FARP1: variants seen among roughly 807,000 people sequenced by gnomAD.
The protein encoded by FARP1 is FERM, ARHGEF and pleckstrin domain-containing protein 1.
A neutral mutation model predicts 128.8 loss-of-function variants in FARP1; 52 were observed. The ratio of observed to expected loss-of-function variants is 0.40; its 90% confidence interval spans 0.32 to 0.51. The LOEUF is 0.51. Ranked by LOEUF, FARP1 falls within the 20% of genes least tolerant of loss-of-function variation. FARP1 has a pLI of 0.45. For missense variants in FARP1, 1,333 were observed against 1,367.9 expected (o/e 0.97, Z 0.40); for synonymous variants, 580 against 551.8 (o/e 1.05, Z -0.72).
At chr13:98,151,068 G>A (rs1387870591) in intron 1 of FARP1, among the ~76,000 whole-genome samples, 1 of 121,236 alleles carries the variant, frequency 8.2e-6, no homozygotes, top group Non-Finnish European at 2.0e-5. Flanking sequence ...CTTAAACGGT[G>A]TGCTGTTACG....
chr13:98,205,298 CT>C, intron 1 of FARP1, among the ~76,000 whole-genome samples: 1 of 151,266 alleles, frequency 6.6e-6, no homozygotes, highest in African/African-American at 2.4e-5. Context: ...ATGCCTTAAG[CT>C]TTTTTTTTCC....
chr13:98,391,750 G>C (rs1890314095), intron 11 of FARP1, among the ~76,000 whole-genome samples: 1 of 152,106 alleles, frequency 6.6e-6, no homozygotes. Flanking sequence ...GTCCCCAGTA[G>C]GTTAAATAAC....
intron 16 of FARP1, among the ~76,000 whole-genome samples, chr13:98,413,476 A>G (rs992663508): frequency 6.6e-6 from 1 of 152,170 alleles, no homozygotes; most frequent in Non-Finnish European, 1.5e-5. Context: ...CCTGGGCAAC[A>G]TAGCAAGACC....
chr13:98,241,238 C>T (rs1252601409), intron 2 of FARP1, among the ~76,000 whole-genome samples: 6 of 151,886 alleles, frequency 4.0e-5, no homozygotes, highest in Non-Finnish European at 8.8e-5. Flanking sequence ...GGGCAGAGTT[C>T]TAGGGTCCTT....
intron 5 of FARP1, among the ~76,000 whole-genome samples, chr13:98,373,533 G>GACACACACACACACACACACACAC (rs58658962): frequency 2.3e-4 from 30 of 130,982 alleles, no homozygotes; most frequent in Non-Finnish European, 2.7e-4. Context: ...CAGACAGACA[G>GACACACACACACACACACACACAC]ACACACACAC....
At chr13:98,151,716 C>T (rs1173719371) in intron 1 of FARP1, among the ~76,000 whole-genome samples, 2 of 132,768 alleles carry the variant, frequency 1.5e-5, no homozygotes, top group Non-Finnish European at 3.1e-5. Context: ...GGCTGGAGTG[C>T]AGTGGCATGA....
At chr13:98,437,741 T>G (rs760934516) in intron 19 of FARP1, 33 of 1,183,112 alleles carry the variant, frequency 2.8e-5, no homozygotes, top group Non-Finnish European at 3.7e-5. Flanking sequence ...CGCTTTGTCT[T>G]TTTGCTTTCT....
intron 2 of FARP1, among the ~76,000 whole-genome samples, chr13:98,309,359 C>T (rs1449600050): frequency 2.0e-5 from 3 of 149,706 alleles, no homozygotes; most frequent in African/African-American, 5.0e-5. Context: ...TTAGTAGAGA[C>T]GGGGTTTCAC....
At chr13:98,223,447 C>G (rs1179222285) in intron 2 of FARP1, among the ~76,000 whole-genome samples, 1 of 152,110 alleles carries the variant, frequency 6.6e-6, no homozygotes, top group Non-Finnish European at 1.5e-5. Context: ...TGCCTCAGTC[C>G]CCCGACAGCT....
chr13:98,424,081 GAC>G (rs1354918222), intron 16 of FARP1, among the ~76,000 whole-genome samples: 1 of 152,152 alleles, frequency 6.6e-6, no homozygotes, highest in African/African-American at 2.4e-5. Context: ...AAGGGCTATG[GAC>G]AGCTATTGGT....
At chr13:98,318,950 G>GT (rs56166470) in intron 2 of FARP1, among the ~76,000 whole-genome samples, 14,851 of 120,168 alleles carry the variant, frequency 0.12, 816 homozygotes, top group South Asian at 0.21. Flanking sequence ...GTTTTTTCTT[G>GT]TTTTTTTTTT....
intron 2 of FARP1, among the ~76,000 whole-genome samples, chr13:98,281,603 C>G (rs2139626007): frequency 6.6e-6 from 1 of 152,250 alleles, no homozygotes; most frequent in African/African-American, 2.4e-5. Flanking sequence ...AAAAGTGGAG[C>G]ATCAAAATGC....
chr13:98,368,061 T>TG, intron 4 of FARP1, 56 bp from the exon 5 acceptor site: 1 of 1,359,734 alleles, frequency 7.4e-7, no homozygotes, highest in Non-Finnish European at 1.0e-6. Flanking sequence ...TTTTCTTTAA[T>TG]GGCATTTGAA....
chr13:98,284,792 G>C (rs1269022512), intron 2 of FARP1, among the ~76,000 whole-genome samples: 2 of 152,210 alleles, frequency 1.3e-5, no homozygotes, highest in South Asian at 2.1e-4. Flanking sequence ...TAATTTGAGT[G>C]AAGTGTTGGA....
chr13:98,330,524 G>T (rs1350784553), intron 2 of FARP1, among the ~76,000 whole-genome samples: 1 of 152,114 alleles, frequency 6.6e-6, no homozygotes, highest in Non-Finnish European at 1.5e-5. Flanking sequence ...GGAGGCCGAG[G>T]CAGGTGGATC....
intron 1 of FARP1, among the ~76,000 whole-genome samples, chr13:98,144,264 G>A (rs1245537580): frequency 1.3e-5 from 2 of 151,958 alleles, no homozygotes; most frequent in Non-Finnish European, 2.9e-5. Flanking sequence ...TCCCTGTAAT[G>A]AGTCTGGATC....
In FARP1 at chr13:98,257,899, C is replaced by T. The variant is rs530656395; in HGVS notation, c.171+44486C>T. On this transcript the variant is annotated intron_variant, in intron 2 of 26. Coordinates refer to ENST00000319562, the MANE Select transcript of FARP1 (RefSeq NM_005766.4). ...AACAACGCATAGATGTGAAGTCACG[C>T]GTGTGTTAAATAGCTTGATGTAGCC... Among the ~76,000 whole-genome samples the T allele has an allele frequency of 3.9e-5, 6 of 152,308 alleles. No homozygotes were observed. In the East Asian group the frequency reaches 5.8e-4, roughly 15 times the overall value.
chr13:98,243,759 CTT>C (rs1272675691), intron 2 of FARP1, among the ~76,000 whole-genome samples: 7 of 150,928 alleles, frequency 4.6e-5, no homozygotes, highest in Non-Finnish European at 8.8e-5. Context: ...ATTAATCACC[CTT>C]TTTTTCCAGC....
chr13:98,349,476 A>C (rs1299406172), intron 3 of FARP1, among the ~76,000 whole-genome samples: 6 of 152,100 alleles, frequency 3.9e-5, no homozygotes, highest in Non-Finnish European at 7.4e-5. Flanking sequence ...GATTGACACC[A>C]GCCTGGCCAA....
Sources: allele counts gnomAD v4.1 joint callset (sites outside exome capture counted in the v4.1 genomes callset), GRCh38; gene constraint gnomAD v4.1.1; transcripts MANE v1.5; gene names NCBI Gene and HGNC (gene_info 2026-07-23, HGNC 2026-07-21).